The following SLC28A3 variants were observed in gnomAD, a reference collection of about 807,000 sequenced individuals.
The protein encoded by SLC28A3 is concentrative Na(+)-nucleoside cotransporter 3.
Under a neutral mutation model 84.2 loss-of-function variants are expected in SLC28A3, and 68 were observed. The ratio of observed to expected loss-of-function variants is 0.81; its 90% CI spans 0.66 to 0.99. SLC28A3 has a LOEUF of 0.99. SLC28A3 is among the 50% of genes least tolerant of loss of function. SLC28A3 has a pLI of 0.00. For missense variants in SLC28A3, 712 were observed against 841.5 expected, an observed-to-expected ratio of 0.85 and a Z score of 1.90; for synonymous variants, 267 against 303.6, an observed-to-expected ratio of 0.88 and a Z score of 1.25.
chr9:84,307,899 G>A (rs1825857772), intron 3 of SLC28A3, among the ~76,000 whole-genome samples: 1 of 152,180 alleles, frequency 6.6e-6, no homozygotes, highest in South Asian at 2.1e-4. Flanking sequence ...GGCTGTTTCA[G>A]TCTCATTAAC....
chr9:84,318,713 AC>A (rs1222851907), intron 1 of SLC28A3, among the ~76,000 whole-genome samples: 1 of 151,770 alleles, frequency 6.6e-6, no homozygotes, highest in Non-Finnish European at 1.5e-5. Context: ...TACTAAAAAT[AC>A]AAAAATTAGC....
chr9:84,325,919 G>T (rs1826531972), intron 1 of SLC28A3, among the ~76,000 whole-genome samples: 1 of 152,088 alleles, frequency 6.6e-6, no homozygotes, highest in Non-Finnish European at 1.5e-5. Flanking sequence ...TCCTTTTAAA[G>T]GAAAAAGAAG....
intron 3 of SLC28A3, among the ~76,000 whole-genome samples, chr9:84,306,775 A>C (rs569138706): frequency 1.3e-5 from 2 of 152,102 alleles, no homozygotes; most frequent in Non-Finnish European, 2.9e-5. Context: ...ATGAAATGGG[A>C]GTAAATATTG....
chr9:84,337,391 G>C (rs749474465), intron 1 of SLC28A3, among the ~76,000 whole-genome samples: 4 of 151,970 alleles, frequency 2.6e-5, no homozygotes, highest in Admixed American at 6.6e-5. Flanking sequence ...TGCTGGGTTT[G>C]AGATGCCCTG....
intron 6 of SLC28A3, 120 bp downstream of exon 6, chr9:84,299,461 T>C (rs1825540388): frequency 1.5e-6 from 2 of 1,300,184 alleles, no homozygotes; most frequent in African/African-American, 1.5e-5. Context: ...CGTTAAATAA[T>C]CCCATCAAGG....
chr9:84,329,998 C>T lies in SLC28A3; in HGVS notation c.60+10576G>A, dbSNP rs77528212. On this transcript the variant is annotated intron_variant, in intron 1 of 17. Coordinates refer to ENST00000376238, the MANE Select transcript of SLC28A3 (RefSeq NM_001199633.2). ...AGAAGTAAGATCTCAAATCAATAAT[C>T]CAATCTTCTACTGTAATGAACTAGA... Among the ~76,000 whole-genome samples the T allele has an allele frequency of 1.3e-3, 201 of 152,052 alleles. 4 individuals carry two copies. In the East Asian group the frequency reaches 0.034, roughly 26 times the overall value.
the SLC28A3 span, among the ~76,000 whole-genome samples, chr9:84,363,669 G>A: frequency 6.6e-6 from 1 of 152,150 alleles, no homozygotes; most frequent in Non-Finnish European, 1.5e-5. Context: ...AGATGGCTGT[G>A]CCCCACCCCA....
intron 8 of SLC28A3, among the ~76,000 whole-genome samples, chr9:84,296,844 A>G (rs572515469): frequency 2.0e-5 from 3 of 152,344 alleles, no homozygotes; most frequent in Admixed American, 1.3e-4. Flanking sequence ...TCCTGGACCC[A>G]TCAGCCATTC....
upstream of SLC28A3, among the ~76,000 whole-genome samples, chr9:84,342,071 G>A (rs191715594): frequency 2.3e-3 from 336 of 144,808 alleles, no homozygotes; most frequent in Admixed American, 4.8e-3. Flanking sequence ...ACAGATTGCA[G>A]TGAGCCGAAA....
chr9:84,340,683 G>A lies in SLC28A3; in HGVS notation c.-50C>T. 6.2e-7 allele frequency: 1 copy of A among 1,606,780 alleles called. No individual in the cohort carries two copies. Among genetic ancestry groups the A allele is most frequent in the Non-Finnish European group, 8.5e-7 (1 of 1,174,758 alleles). On this transcript the variant is annotated 5_prime_UTR_variant, in exon 1 of 18. Coordinates refer to ENST00000376238, the MANE Select transcript of SLC28A3 (RefSeq NM_001199633.2). The stretch of plus-strand genomic sequence containing the variant: ...TGGTCTGGAGGTCCTTTGTACCTGG[G>A]AAAAAGCACCAGTCTCTGCTGATGT...
intron 14 of SLC28A3, among the ~76,000 whole-genome samples, chr9:84,281,416 TCAC>T (rs1000033216): frequency 6.6e-6 from 1 of 152,202 alleles, no homozygotes; most frequent in African/African-American, 2.4e-5. Flanking sequence ...ACATCATTGA[TCAC>T]CAGGGAAATG....
chr9:84,336,559 C>T (rs1826982620), intron 1 of SLC28A3, among the ~76,000 whole-genome samples: 1 of 152,062 alleles, frequency 6.6e-6, no homozygotes, highest in Admixed American at 6.6e-5. Context: ...GTCTGTAGTC[C>T]TAGCTACTCA....
At chr9:84,320,792 C>CA (rs1463537679) in intron 1 of SLC28A3, among the ~76,000 whole-genome samples, 77 of 151,920 alleles carry the variant, frequency 5.1e-4, no homozygotes, top group Non-Finnish European at 1.6e-4. Flanking sequence ...GAGTCTGAGA[C>CA]CAGCCTGGCC....
intron 2 of SLC28A3, chr9:84,310,355 T>G: frequency 2.0e-4 from 191 of 947,984 alleles, no homozygotes; most frequent in Non-Finnish European, 2.2e-4. Flanking sequence ...AGGTACAGTT[T>G]GAGCTCTCAA....
chr9:84,314,902 C>T lies in SLC28A3; in HGVS notation c.61-1448G>A, dbSNP rs141176852. Among the ~76,000 whole-genome samples, 59 of 152,224 alleles carry T rather than the reference C, an allele frequency of 3.9e-4. 1 individual carries two copies. The East Asian group carries it at 0.01, about 26-fold the overall frequency. On this transcript the variant is annotated intron_variant, in intron 1 of 17. Coordinates refer to ENST00000376238, the MANE Select transcript of SLC28A3 (RefSeq NM_001199633.2). ...GACCATCCTGGCTAACATGGTGAAA[C>T]CCCGTCTCTACTAAAAATACAAACA...
intron 16 of SLC28A3, among the ~76,000 whole-genome samples, chr9:84,279,636 G>A (rs1394292753): frequency 2.6e-5 from 4 of 152,152 alleles, no homozygotes; most frequent in African/African-American, 7.2e-5. Flanking sequence ...GTTTCGCCAC[G>A]TTGGTCAGGC....
chr9:84,356,263 C>A, the SLC28A3 span, among the ~76,000 whole-genome samples: 1 of 152,120 alleles, frequency 6.6e-6, no homozygotes, highest in Admixed American at 6.5e-5. Context: ...GGCATCAGGA[C>A]CAAAGTTTCA....
At chr9:84,332,482 TA>T (rs1826826650) in intron 1 of SLC28A3, among the ~76,000 whole-genome samples, 1 of 152,142 alleles carries the variant, frequency 6.6e-6, no homozygotes, top group Admixed American at 6.6e-5. Context: ...AAGAGGCTTT[TA>T]AAAATTTCAT....
At chr9:84,305,416 T>A in intron 3 of SLC28A3, 71 bp from the exon 4 acceptor site, 1 of 1,260,708 alleles carries the variant, frequency 7.9e-7, no homozygotes, top group Non-Finnish European at 1.1e-6. Context: ...ATGGTGAGGC[T>A]AGATTAAGCT....
Sources: allele counts gnomAD v4.1 joint callset (sites outside exome capture counted in the v4.1 genomes callset), GRCh38; gene constraint gnomAD v4.1.1; transcripts MANE v1.5; gene names NCBI Gene and HGNC (gene_info 2026-07-23, HGNC 2026-07-21).